Variants in SHOX observed in about 807,000 individuals in gnomAD.
The protein encoded by SHOX is short stature homeobox protein.
SHOX carries 12 observed loss-of-function variants against 29.6 expected under a neutral mutation model. That is an observed-to-expected ratio of 0.41 (90% CI 0.26 to 0.66). SHOX has a LOEUF of 0.66. SHOX is among the 30% of genes least tolerant of loss of function. The pLI is 0.35. For missense variants in SHOX, 499 were observed against 437.7 expected (o/e 1.14, Z -1.25); for synonymous variants, 214 against 200.6 (o/e 1.07, Z -0.57).
chrX:639,007 G>A (rs2124178839), intron 2 of SHOX, among the ~76,000 whole-genome samples: 2 of 152,302 alleles, frequency 1.3e-5, no homozygotes, highest in East Asian at 1.9e-4. Context: ...AGGGGGTGGT[G>A]TCCAGATTAC....
chrX:624,623 T>C (rs1199289928), intron 1 of SHOX: 1 of 152,022 alleles, frequency 6.6e-6, no homozygotes, highest in African/African-American at 2.4e-5. Context: ...TTTTGGAACT[T>C]TCCTTTTCTT....
intron 5 of SHOX, chrX:658,672 G>T (rs111231543): frequency 8.0e-5 from 16 of 199,606 alleles, no homozygotes; most frequent in South Asian, 8.0e-4. Context: ...GGGTTTCACC[G>T]TGTTAGCCAG....
Position 649,979 on chromosome X carries a change from G to A in SHOX, c.*5343G>A. On this transcript the variant is annotated 3_prime_UTR_variant, in exon 5 of 5. Transcript: ENST00000686671. ...GAAGGAATTGGATGTATCGGATGTT[G>A]CTATTAGATTTTCTTTCTCCGTTCG... The A allele has an allele frequency of 2.2e-6, 1 of 456,068 alleles. No individual in the cohort carries two copies. The highest frequency in any genetic ancestry group is 4.4e-6 in the Non-Finnish European group (1 of 226,798). The allele number at this position is 456,068 out of a possible 1,614,324, so 28.3% of individuals were successfully genotyped here. A position where few individuals can be genotyped will look rare whatever the true frequency, so the allele number is the denominator to read the frequency against.
chrX:636,341 T>TATACAAATATATAAAC (rs1556463148), intron 2 of SHOX, among the ~76,000 whole-genome samples: 7 of 132,296 alleles, frequency 5.3e-5, no homozygotes, highest in African/African-American at 2.0e-4. Flanking sequence ...CATATAAACA[T>TATACAAATATATAAAC]ATATAAATAT....
chrX:627,103 C>T (rs2052552364), upstream of SHOX, among the ~76,000 whole-genome samples: 1 of 152,004 alleles, frequency 6.6e-6, no homozygotes, highest in Non-Finnish European at 1.5e-5. Flanking sequence ...AGGGAAGCAT[C>T]AGTAAAACCT....
chrX:631,562 C>T (rs1266011960), intron 1 of SHOX, among the ~76,000 whole-genome samples: 3 of 152,108 alleles, frequency 2.0e-5, no homozygotes, highest in East Asian at 1.9e-4. Context: ...GACAGAGTCT[C>T]GCTCTGTCCC....
intron 2 of SHOX, among the ~76,000 whole-genome samples, chrX:638,397 G>C (rs751864386): frequency 6.6e-6 from 1 of 152,118 alleles, no homozygotes; most frequent in Non-Finnish European, 1.5e-5. Context: ...GGAGACAGGC[G>C]GAGAGTCCAG....
chrX:627,923 C>A (rs1279342152), upstream of SHOX, among the ~76,000 whole-genome samples: 1 of 152,134 alleles, frequency 6.6e-6, no homozygotes, highest in Non-Finnish European at 1.5e-5. Flanking sequence ...ACGGCGCAGT[C>A]CCTGGGGACC....
chrX:631,042 C>A lies in SHOX; in HGVS notation c.145C>A (p.Leu49Met). ...LESGLARSRELGTSDSSLQDI... is the reference protein window; with the variant it reads ...LESGLARSREMGTSDSSLQDI... ...GAGCGGACTGGCGCGCTCCCGGGAG[C>A]TGGGGACGTCGGATTCCAGCCTCCA... is the stretch of plus-strand genomic sequence containing the variant. Residue 49 changes from leucine to methionine, a missense_variant, in exon 1 of 5, where the codon CTG (leucine) becomes ATG (methionine). Physicochemically the swap from Leu to Met is conservative, Grantham distance 15. Transcript: ENST00000686671. The A allele has an allele frequency of 1.2e-6, 2 of 1,613,828 alleles. No homozygotes were observed. Among genetic ancestry groups the A allele is most frequent in the Non-Finnish European group, 1.7e-6 (2 of 1,179,858 alleles).
rs2052976473 is a variant in SHOX, at chrX:646,947, A to T, written c.*2311A>T. 6.7e-6 allele frequency: 1 copy of T among 149,750 alleles called. No individual in the cohort carries two copies. Among genetic ancestry groups the T allele is most frequent in the African/African-American group, 2.4e-5 (1 of 41,008 alleles). The allele number at this position is 149,750 out of a possible 1,614,324, so 9.3% of individuals were successfully genotyped here. On this transcript the variant is annotated 3_prime_UTR_variant, in exon 5 of 5. Transcript: ENST00000686671. ...GTTGGTAAGATATGTACAGCCCTAG[A>T]TTTTTTTTTTTTAACCAAAAAGGCT...
intron 2 of SHOX, among the ~76,000 whole-genome samples, chrX:637,517 G>T (rs1569494211): frequency 6.6e-6 from 1 of 151,850 alleles, no homozygotes; most frequent in Non-Finnish European, 1.5e-5. Flanking sequence ...TCGGGGACAA[G>T]CTGGGGGTTA....
intron 1 of SHOX, 58 bp from the exon 2 acceptor site, chrX:634,560 C>T: frequency 2.5e-6 from 4 of 1,580,962 alleles, no homozygotes; most frequent in Non-Finnish European, 3.5e-6. Context: ...CGAAGGGGTT[C>T]GCCACGTTGC....
chrX:650,813 A>AAAAAAC lies in SHOX; in HGVS notation c.*6182_*6183insCAAAAA, dbSNP rs1556473244. On this transcript the variant is annotated 3_prime_UTR_variant, in exon 5 of 5. Transcript: ENST00000686671. ...ACATTAAAAAAAAAAAAAAAAAAAA[A>AAAAAAC]AAAAAACTGGTGCCTAATTTATTAA... 1.3e-5 allele frequency among the ~76,000 whole-genome samples: 2 copies of AAAAAAC among 149,486 alleles called. No homozygotes were observed. Among genetic ancestry groups the AAAAAAC allele is most frequent in the Non-Finnish European group, 3.0e-5 (2 of 66,842 alleles).
intron 1 of SHOX, among the ~76,000 whole-genome samples, chrX:633,664 T>C (rs1294936326): frequency 6.6e-5 from 10 of 152,076 alleles, no homozygotes; most frequent in Admixed American, 4.6e-4. Flanking sequence ...GTCAGCCCCT[T>C]ACCCTTGACA....
In SHOX at chrX:651,291, G is replaced by C. The variant is rs1259694772; in HGVS notation, c.*6655G>C. 2.2e-6 allele frequency: 1 copy of C among 455,564 alleles called. No homozygotes were observed. The allele number at this position is 455,564 out of a possible 1,614,324, so 28.2% of individuals were successfully genotyped here. On this transcript the variant is annotated 3_prime_UTR_variant, in exon 5 of 5. Coordinates refer to ENST00000686671, the MANE Select transcript of SHOX (RefSeq NM_000451.4). ...ACAAATACATCTACAGATATTTTCAGGGATTGCTTCAGATGAAAACAAATC... is the reference window on the plus strand; with the variant it reads ...ACAAATACATCTACAGATATTTTCACGGATTGCTTCAGATGAAAACAAATC...
At chrX:636,341 T>TATATAAATATATAAACATATATAA (rs1556463145) in intron 2 of SHOX, among the ~76,000 whole-genome samples, 2,880 of 132,262 alleles carry the variant, frequency 0.022, 132 homozygotes, top group African/African-American at 0.07. Context: ...CATATAAACA[T>TATATAAATATATAAACATATATAA]ATATAAATAT....
At chrX:651,922 AT>A (rs1225119799), downstream of SHOX, among the ~76,000 whole-genome samples, 18 of 151,154 alleles carry the variant, frequency 1.2e-4, no homozygotes, top group South Asian at 6.5e-4. Flanking sequence ...TAATTAATTA[AT>A]TTATTTTTTT....
At chrX:652,900 A>G (rs1317675080), downstream of SHOX, among the ~76,000 whole-genome samples, 1 of 129,290 alleles carries the variant, frequency 7.7e-6, no homozygotes, top group Non-Finnish European at 1.7e-5. Flanking sequence ...TTAGGGGCAA[A>G]CGCAGGCAAG....
chrX:640,525 G>A (rs1268213026), intron 2 of SHOX, among the ~76,000 whole-genome samples: 1 of 152,254 alleles, frequency 6.6e-6, no homozygotes, highest in Middle Eastern at 3.4e-3. Context: ...GCAGTGAGCC[G>A]AGATAGTGCC....
Sources: gnomAD v4.1 joint callset for allele counts (sites outside exome capture counted in the v4.1 genomes callset) on GRCh38, gnomAD v4.1.1 for gene constraint, MANE v1.5 for transcripts, NCBI Gene and HGNC (gene_info 2026-07-23, HGNC 2026-07-21) for gene names.